Variants in ROCK2 observed in about 807,000 individuals in gnomAD.
ROCK2 encodes the protein rho-associated protein kinase 2.
In ROCK2, 61 loss-of-function variants were observed where a neutral mutation model predicts 195.1. The observed-to-expected ratio is 0.31, with a 90% CI of 0.25 to 0.39. The LOEUF (loss-of-function observed/expected upper bound fraction) is 0.39. Ranked by LOEUF, ROCK2 falls within the 10% of genes least tolerant of loss-of-function variation. ROCK2 has a pLI of 1.00. For synonymous variants in ROCK2, 504 were observed against 545.5 expected, an observed-to-expected ratio of 0.92 and a Z score of 1.06; for missense variants, 1,109 against 1,637.4, an observed-to-expected ratio of 0.68 and a Z score of 5.57.
At chr2:11,251,530 C>T (rs1467069109) in intron 3 of ROCK2, among the ~76,000 whole-genome samples, 1 of 152,162 alleles carries the variant, frequency 6.6e-6, no homozygotes, top group Non-Finnish European at 1.5e-5. Flanking sequence ...GGATTAGAGA[C>T]TTAAATGTAA....
chr2:11,252,752 G>A (rs1226498504), intron 3 of ROCK2, among the ~76,000 whole-genome samples: 1 of 152,016 alleles, frequency 6.6e-6, no homozygotes, highest in African/African-American at 2.4e-5. Flanking sequence ...GTTGAACAAT[G>A]AGAACACGTG....
At chr2:11,188,993 C>T (rs567722062) in intron 32 of ROCK2, among the ~76,000 whole-genome samples, 1 of 151,254 alleles carries the variant, frequency 6.6e-6, no homozygotes, top group African/African-American at 2.4e-5. Context: ...ACCGAGATCA[C>T]GCCACTACAC....
chr2:11,309,078 G>A (rs997264471), intron 1 of ROCK2: 10 of 1,309,664 alleles, frequency 7.6e-6, no homozygotes, highest in Non-Finnish European at 9.4e-6. Flanking sequence ...GGAGTCCAAT[G>A]CAAAGCTGTA....
intron 1 of ROCK2, among the ~76,000 whole-genome samples, chr2:11,298,856 G>A (rs1488290987): frequency 3.3e-5 from 5 of 152,026 alleles, no homozygotes; most frequent in African/African-American, 4.8e-5. Flanking sequence ...GGAATTAAAG[G>A]AATTTCAAAC....
At chr2:11,329,050 T>C (rs1178944001) in intron 1 of ROCK2, among the ~76,000 whole-genome samples, 4 of 151,054 alleles carry the variant, frequency 2.6e-5, no homozygotes, top group African/African-American at 9.7e-5. Flanking sequence ...ACATGTACCC[T>C]AAAACTTAAA....
intron 4 of ROCK2, among the ~76,000 whole-genome samples, chr2:11,242,510 C>T (rs1469138060): frequency 6.6e-6 from 1 of 152,076 alleles, no homozygotes; most frequent in Non-Finnish European, 1.5e-5. Flanking sequence ...GACCTTCCTT[C>T]CAGATGATGG....
rs116160839 is a variant in ROCK2, at chr2:11,282,639, T to C, written c.324+3900A>G. Among the ~76,000 whole-genome samples the C allele has an allele frequency of 4.2e-3, 567 of 136,372 alleles. 2 individuals are homozygous for C. Among genetic ancestry groups the C allele is most frequent in the African/African-American group, 0.014 (508 of 36,450 alleles). 89.5% of individuals were successfully genotyped at this position (136,372 alleles called of 152,430 possible). On this transcript the variant is annotated intron_variant, in intron 3 of 32. Transcript: ENST00000315872. ...AAAAAAAAGAATCAAGACCAGACCT[T>C]ATATCTTCTAGAGGATAGCATAGGA...
At chr2:11,271,879 G>A (rs997888966) in intron 3 of ROCK2, among the ~76,000 whole-genome samples, 4 of 152,080 alleles carry the variant, frequency 2.6e-5, no homozygotes, top group Non-Finnish European at 4.4e-5. Context: ...AATTAGCCGG[G>A]CGTGGTGGCG....
At chr2:11,270,688 G>C (rs1038781460) in intron 3 of ROCK2, among the ~76,000 whole-genome samples, 1 of 152,104 alleles carries the variant, frequency 6.6e-6, no homozygotes, top group Non-Finnish European at 1.5e-5. Flanking sequence ...TTGATCTCTA[G>C]AATTTATTTT....
chr2:11,272,226 T>C (rs1666659921), intron 3 of ROCK2, among the ~76,000 whole-genome samples: 1 of 152,066 alleles, frequency 6.6e-6, no homozygotes, highest in Non-Finnish European at 1.5e-5. Context: ...CTGCAAGAAA[T>C]GGTCAATGAA....
Position 11,243,917 on chromosome 2 carries a change from C to G in ROCK2, c.462+5744G>C, listed in dbSNP as rs574211448. 7.0e-4 allele frequency among the ~76,000 whole-genome samples: 107 copies of G among 152,330 alleles called. 2 individuals carry two copies. The highest frequency in any genetic ancestry group is 2.9e-4 in the Non-Finnish European group (20 of 68,030). On this transcript the variant is annotated intron_variant, in intron 4 of 32. Coordinates refer to ENST00000315872, the MANE Select transcript of ROCK2 (RefSeq NM_004850.5). ...GGGATAGATAGGAACTCTATACTGT[C>G]TGCTCAATTTTTCTATAAATCTACA...
intron 32 of ROCK2, chr2:11,184,852 G>C: frequency 1.4e-6 from 1 of 713,306 alleles, no homozygotes; most frequent in Non-Finnish European, 1.7e-6. Flanking sequence ...ATCATACTTT[G>C]AATGTGCTTG....
chr2:11,313,252 C>T (rs1668091781), intron 1 of ROCK2, among the ~76,000 whole-genome samples: 1 of 152,040 alleles, frequency 6.6e-6, no homozygotes, highest in South Asian at 2.1e-4. Flanking sequence ...TCTGTACCAT[C>T]TGCTTAATTT....
At chr2:11,203,861 G>T (rs1037197257) in intron 20 of ROCK2, among the ~76,000 whole-genome samples, 3 of 152,160 alleles carry the variant, frequency 2.0e-5, no homozygotes, top group Non-Finnish European at 4.4e-5. Flanking sequence ...ATCACTGTCA[G>T]CTAAGCCCAC....
chr2:11,296,392 G>A (rs1230736948), intron 1 of ROCK2, among the ~76,000 whole-genome samples: 1 of 152,118 alleles, frequency 6.6e-6, no homozygotes, highest in Non-Finnish European at 1.5e-5. Context: ...TTCCCAGCCT[G>A]TTTCTAGTCA....
intron 12 of ROCK2, 97 bp downstream of exon 12, chr2:11,216,993 A>G (rs1296074403): frequency 1.6e-6 from 1 of 617,156 alleles, no homozygotes; most frequent in African/African-American, 1.9e-5. Flanking sequence ...AAGTGCTGGG[A>G]TTACAGGTGT....
At chr2:11,329,722 G>A (rs1668661195) in intron 1 of ROCK2, among the ~76,000 whole-genome samples, 3 of 151,340 alleles carry the variant, frequency 2.0e-5, no homozygotes, top group African/African-American at 4.8e-5. Flanking sequence ...ATTGCTTGCA[G>A]CAGAAATTGT....
At chr2:11,204,387 A>G (rs905269840) in intron 20 of ROCK2, among the ~76,000 whole-genome samples, 2 of 151,836 alleles carry the variant, frequency 1.3e-5, no homozygotes, top group African/African-American at 4.8e-5. Flanking sequence ...CTATCCTGTC[A>G]TTGTTTTTGA....
At chr2:11,202,347 C>T (rs192116531) in intron 20 of ROCK2, among the ~76,000 whole-genome samples, 142 of 152,160 alleles carry the variant, frequency 9.3e-4, no homozygotes, top group African/African-American at 3.2e-3. Flanking sequence ...CTTGTAATTA[C>T]ATCATTCTGA....
Sources: gnomAD v4.1 joint callset for allele counts (sites outside exome capture counted in the v4.1 genomes callset) on GRCh38, gnomAD v4.1.1 for gene constraint, MANE v1.5 for transcripts, NCBI Gene and HGNC (gene_info 2026-07-23, HGNC 2026-07-21) for gene names.